The following TFAM variants were observed in gnomAD, a reference collection of about 807,000 sequenced individuals.
TFAM encodes the protein transcription factor A, mitochondrial.
A neutral mutation model predicts 30.6 loss-of-function variants in TFAM; 13 were observed. The observed-to-expected ratio is 0.42, with a 90% CI of 0.28 to 0.67. TFAM has a LOEUF of 0.67. Among genes scored for constraint, TFAM ranks in the 30% least tolerant of loss-of-function variants. The pLI is 0.21. For missense variants in TFAM, 231 were observed against 293.7 expected (o/e 0.79, Z 1.56); for synonymous variants, 106 against 94.8 (o/e 1.12, Z -0.69).
intron 5 of TFAM, among the ~76,000 whole-genome samples, chr10:58,393,433 A>T (rs1467886333): frequency 1.3e-5 from 2 of 152,206 alleles, no homozygotes; most frequent in Admixed American, 1.3e-4. Context: ...TCAGTTTAAC[A>T]ATTAGCTTTC....
intron 2 of TFAM, 82 bp downstream of exon 2, chr10:58,386,420 T>C: frequency 2.0e-6 from 2 of 996,132 alleles, no homozygotes; most frequent in Admixed American, 1.7e-5. Context: ...TGAATTGCAG[T>C]GCTAAAGCAT....
Position 58,390,875 on chromosome 10 carries a change from T to C in TFAM, c.537+15T>C, listed in dbSNP as rs1485467999. 3 of 1,605,940 alleles carry C rather than the reference T, an allele frequency of 1.9e-6. No individual in the cohort carries two copies. The highest frequency in any genetic ancestry group is 1.7e-4 in the Middle Eastern group (1 of 5,834). On this transcript the variant is annotated intron_variant, in intron 5 of 6. Coordinates refer to ENST00000487519, the MANE Select transcript of TFAM (RefSeq NM_003201.3). Reference sequence around the variant, plus strand: ...ATTCACCGCAGGTAAAGCTGAAATATATTTTTGTTTAATTTTTAAAATATT... The same window carrying C: ...ATTCACCGCAGGTAAAGCTGAAATACATTTTTGTTTAATTTTTAAAATATT...
Position 58,398,948 on chromosome 10 carries a change from T to C in TFAM, c.*3874T>C, listed in dbSNP as rs567906304. The C allele has an allele frequency of 1.3e-5, 2 of 152,234 alleles. No individual in the cohort carries two copies. The highest frequency in any genetic ancestry group is 2.9e-5 in the Non-Finnish European group (2 of 68,030). 9.4% of individuals were successfully genotyped at this position (152,234 alleles called of 1,614,324 possible). ...AATGTTCTTTTTAAAATTGAACTTC[T>C]GCAGAGTAAGAAAATGAATACATTT... is the stretch of plus-strand genomic sequence containing the variant. On this transcript the variant is annotated 3_prime_UTR_variant, in exon 7 of 7. Transcript: ENST00000487519.
chr10:58,393,874 G>A (rs73288401), intron 5 of TFAM, among the ~76,000 whole-genome samples: 1,767 of 149,934 alleles, frequency 0.012, 25 homozygotes, highest in African/African-American at 0.042. Flanking sequence ...CCACCTGAGT[G>A]ACAGAGTGAG....
Position 58,394,981 on chromosome 10 carries a change from G to A in TFAM, c.648G>A (p.Lys216=), listed in dbSNP as rs1326482517. The change falls in exon 7 of 7, where the codon AAG becomes AAA. Residue 216 remains lysine (K), a synonymous_variant. Transcript: ENST00000487519. ...EDETRYHNEM[K]SWEEQMIEVG... Reference sequence around the variant, plus strand: ...AAACTCGTTATCATAATGAAATGAAGTCTTGGGAAGAACAAATGATTGAAG... The same window carrying A: ...AAACTCGTTATCATAATGAAATGAAATCTTGGGAAGAACAAATGATTGAAG... 3 of 1,613,640 alleles carry A rather than the reference G, an allele frequency of 1.9e-6. No individual in the cohort carries two copies. Among genetic ancestry groups the A allele is most frequent in the South Asian group, 1.1e-5 (1 of 91,070 alleles).
At chr10:58,391,266 A>G (rs10826179) in intron 5 of TFAM, among the ~76,000 whole-genome samples, 80,536 of 151,994 alleles carry the variant, frequency 0.53, 23,384 homozygotes, top group African/African-American at 0.79. Flanking sequence ...TTTTGGTTAT[A>G]CCCATAGGGA....
intron 3 of TFAM, 135 bp downstream of exon 3, chr10:58,388,395 TC>T: frequency 2.4e-6 from 2 of 820,658 alleles, no homozygotes; most frequent in Non-Finnish European, 4.1e-6. Flanking sequence ...TTATGTCTTC[TC>T]ATCTGCATAA....
At chr10:58,386,747 C>CAG in intron 2 of TFAM, 1 of 967,916 alleles carries the variant, frequency 1.0e-6, no homozygotes, top group Non-Finnish European at 1.3e-6. Flanking sequence ...AAGTTCTATG[C>CAG]AATTTACTGC....
At chr10:58,389,744 C>G (rs761713013) in intron 4 of TFAM, among the ~76,000 whole-genome samples, 3 of 152,220 alleles carry the variant, frequency 2.0e-5, no homozygotes, top group Non-Finnish European at 4.4e-5. Context: ...TATCCTCCCT[C>G]TTTCATTCTC....
chr10:58,386,315 C>G lies in TFAM; in HGVS notation c.197C>G (p.Pro66Arg). ...CTTCGATTTTCTAAAGAACAACTAC[C>G]CATATTTAAAGCTCAGAACCCAGGT... Reference protein sequence around the residue: ...SYLRFSKEQLPIFKAQNPDAK... With the variant: ...SYLRFSKEQLRIFKAQNPDAK... Residue 66 changes from proline (P) to arginine (R), a missense_variant, in exon 2 of 7, where the codon CCC (proline) becomes CGC (arginine). By Grantham distance (103) the Pro-to-Arg change is moderately radical (BLOSUM62 -2). Transcript: ENST00000487519. 2.5e-6 allele frequency: 4 copies of G among 1,613,348 alleles called. No homozygotes were observed. Among genetic ancestry groups the G allele is most frequent in the Non-Finnish European group, 3.4e-6 (4 of 1,179,506 alleles).
intron 1 of TFAM, 88 bp downstream of exon 1, chr10:58,385,736 CT>C: frequency 9.6e-7 from 1 of 1,042,644 alleles, no homozygotes; most frequent in Non-Finnish European, 1.4e-6. Context: ...CTTTCTGCCC[CT>C]CCTAGGAGTT....
At chr10:58,391,284 T>C (rs1840594101) in intron 5 of TFAM, among the ~76,000 whole-genome samples, 1 of 152,192 alleles carries the variant, frequency 6.6e-6, no homozygotes, top group Non-Finnish European at 1.5e-5. Flanking sequence ...GGATGTGTTA[T>C]ACATGTGAAT....
rs562433495 is a variant in TFAM, at chr10:58,390,680, G to T, written c.442-85G>T. 2.7e-5 allele frequency: 26 copies of T among 948,016 alleles called. No homozygotes were observed. In the African/African-American group the frequency reaches 4.0e-4, roughly 15 times the overall value. The allele number at this position is 948,016 out of a possible 1,614,324, so 58.7% of individuals were successfully genotyped here. ...CACTTTAAGGAATAATCTGTAATGC[G>T]TAGTAGTGAATAAAGTTTCTGTAGG... On this transcript the variant is annotated intron_variant, in intron 4 of 6. Transcript: ENST00000487519.
chr10:58,386,648 AG>A, intron 2 of TFAM: 7 of 1,166,792 alleles, frequency 6.0e-6, no homozygotes, highest in Non-Finnish European at 7.4e-6. Context: ...TCTCTTGCCT[AG>A]CTCCTCCTTT....
intron 5 of TFAM, among the ~76,000 whole-genome samples, chr10:58,393,886 C>A (rs1056272110): frequency 6.7e-6 from 1 of 148,504 alleles, no homozygotes; most frequent in Non-Finnish European, 1.5e-5. Context: ...CAGAGTGAGA[C>A]CTTGTCTCAA....
chr10:58,392,558 C>T (rs993160925), intron 5 of TFAM, among the ~76,000 whole-genome samples: 6 of 151,776 alleles, frequency 4.0e-5, no homozygotes, highest in Middle Eastern at 3.2e-3. Flanking sequence ...TTAACTTAAT[C>T]TCTCTGCTTT....
intron 5 of TFAM, 140 bp from the exon 6 acceptor site, chr10:58,394,218 T>C: frequency 1.4e-6 from 1 of 699,578 alleles, no homozygotes; most frequent in Non-Finnish European, 2.6e-6. Flanking sequence ...TTTGATAGTT[T>C]TTGTTTAGAG....
intron 3 of TFAM, 151 bp from the exon 4 acceptor site, chr10:58,388,519 T>G: frequency 1.1e-6 from 1 of 885,412 alleles, no homozygotes; most frequent in Non-Finnish European, 1.8e-6. Context: ...AAATGTATGT[T>G]TTAATCCATA....
At chr10:58,387,386 CAATT>C (rs1229122828) in intron 2 of TFAM, among the ~76,000 whole-genome samples, 1 of 152,158 alleles carries the variant, frequency 6.6e-6, no homozygotes, top group African/African-American at 2.4e-5. Context: ...TTTTAAAAAT[CAATT>C]AATTGCACGC....
Sources: allele counts gnomAD v4.1 joint callset (sites outside exome capture counted in the v4.1 genomes callset), GRCh38; gene constraint gnomAD v4.1.1; transcripts MANE v1.5; gene names NCBI Gene and HGNC (gene_info 2026-07-23, HGNC 2026-07-21).